The following AZI2 variants were observed in gnomAD, a reference collection of about 807,000 sequenced individuals.
AZI2 encodes 5-azacytidine-induced protein 2.
AZI2 carries 22 observed loss-of-function variants against 45.8 expected under a neutral mutation model. The ratio of observed to expected loss-of-function variants is 0.48; its 90% confidence interval spans 0.34 to 0.69. AZI2 has a LOEUF of 0.69. Ranked by LOEUF, AZI2 falls within the 30% of genes least tolerant of loss-of-function variation. The pLI is 0.01. For synonymous variants in AZI2, 137 were observed against 156.7 expected, an observed-to-expected ratio of 0.87 and a Z score of 0.94; for missense variants, 417 against 441.5, an observed-to-expected ratio of 0.94 and a Z score of 0.50.
At chr3:28,336,178 G>T (rs1703780735) in intron 5 of AZI2, among the ~76,000 whole-genome samples, 1 of 151,978 alleles carries the variant, frequency 6.6e-6, no homozygotes, top group Non-Finnish European at 1.5e-5. Flanking sequence ...ACACACTTCA[G>T]CAACTTGGCA....
At chr3:28,332,587 C>A in intron 5 of AZI2, 160 bp from the exon 6 acceptor site, 2 of 568,176 alleles carry the variant, frequency 3.5e-6, no homozygotes, top group Non-Finnish European at 6.2e-6. Context: ...TGAAATACCT[C>A]CAATCTATAA....
chr3:28,332,220 A>G (rs1703606437), intron 6 of AZI2, 149 bp downstream of exon 6: 1 of 669,132 alleles, frequency 1.5e-6, no homozygotes, highest in African/African-American at 1.8e-5. Context: ...TTATTCTACA[A>G]ATTTATTGTG....
intron 5 of AZI2, among the ~76,000 whole-genome samples, chr3:28,334,295 G>C (rs1577129388): frequency 6.6e-6 from 1 of 151,828 alleles, no homozygotes; most frequent in Non-Finnish European, 1.5e-5. Flanking sequence ...AATATGGCTA[G>C]AGTATTGTGA....
In AZI2 at chr3:28,324,374, T is replaced by A; in HGVS notation, c.847A>T (p.Thr283Ser). ...TTTGGTAAGAGAGGGGGATGTCTTG[T>A]GTATGTTGCAGTAAAATTCATCAAG... ...LHLMNFTATYTRHPPLLPNGK... is the reference protein window; with the variant it reads ...LHLMNFTATYSRHPPLLPNGK... The change falls in exon 8 of 8, where the codon ACA becomes TCA. Residue 283 changes from threonine to serine, a missense_variant. Thr to Ser is a moderately conservative substitution (Grantham distance 58, BLOSUM62 1). Coordinates refer to ENST00000479665, the MANE Select transcript of AZI2 (RefSeq NM_022461.5). The A allele has an allele frequency of 6.3e-7, 1 of 1,576,508 alleles. No individual in the cohort carries two copies.
At chr3:28,344,730 TG>T (rs1294515659) in intron 1 of AZI2, among the ~76,000 whole-genome samples, 6 of 152,120 alleles carry the variant, frequency 3.9e-5, no homozygotes, top group African/African-American at 1.4e-4. Context: ...AACATTATAC[TG>T]AGTCTTATTT....
intron 5 of AZI2, among the ~76,000 whole-genome samples, chr3:28,333,988 A>G (rs1456108181): frequency 6.6e-6 from 1 of 151,338 alleles, no homozygotes; most frequent in Non-Finnish European, 1.5e-5. Context: ...CTTTGGCCCT[A>G]GAGTCTGTAT....
intron 7 of AZI2, among the ~76,000 whole-genome samples, chr3:28,325,741 C>A (rs1387368832): frequency 6.6e-6 from 1 of 151,052 alleles, no homozygotes; most frequent in Non-Finnish European, 1.5e-5. Flanking sequence ...CTCTGTGAGT[C>A]CCTTTATAGA....
chr3:28,337,903 C>A, intron 4 of AZI2, 34 bp downstream of exon 4: 3 of 1,287,874 alleles, frequency 2.3e-6, no homozygotes, highest in Non-Finnish European at 3.2e-6. Flanking sequence ...TATGTTAATT[C>A]TGTTAGAATA....
intron 6 of AZI2, among the ~76,000 whole-genome samples, chr3:28,327,520 C>T (rs1703428960): frequency 6.7e-6 from 1 of 150,158 alleles, no homozygotes; most frequent in African/African-American, 2.4e-5. Flanking sequence ...CATGACAGCA[C>T]AAGACATGAA....
At chr3:28,335,127 T>C (rs545548190) in intron 5 of AZI2, among the ~76,000 whole-genome samples, 2 of 152,106 alleles carry the variant, frequency 1.3e-5, no homozygotes, top group South Asian at 2.1e-4. Flanking sequence ...TGAAAAAAGG[T>C]ATTTAATGTC....
At chr3:28,329,543 A>C (rs1703501013) in intron 6 of AZI2, among the ~76,000 whole-genome samples, 1 of 151,260 alleles carries the variant, frequency 6.6e-6, no homozygotes, top group Non-Finnish European at 1.5e-5. Flanking sequence ...CTAAAAGCCC[A>C]GCTTTCTTAA....
chr3:28,327,218 CAG>C (rs1318347277), intron 6 of AZI2, among the ~76,000 whole-genome samples: 2 of 151,040 alleles, frequency 1.3e-5, no homozygotes, highest in Non-Finnish European at 3.0e-5. Flanking sequence ...GAGCTTCTTG[CAG>C]AGTCTCAGAA....
Position 28,326,969 on chromosome 3 carries a change from C to A in AZI2, c.648-19G>T. On this transcript the variant is annotated intron_variant, in intron 6 of 7. Coordinates refer to ENST00000479665, the MANE Select transcript of AZI2 (RefSeq NM_022461.5). ...ATTATCACTGAAATAAATTTTTTTACAAAAAGTTAATACTCATCATTCTTT... is the reference window on the plus strand; with the variant it reads ...ATTATCACTGAAATAAATTTTTTTAAAAAAAGTTAATACTCATCATTCTTT... The A allele has an allele frequency of 1.9e-6, 3 of 1,548,666 alleles. No homozygotes were observed. The highest frequency in any genetic ancestry group is 1.7e-5 in the Admixed American group (1 of 58,254).
chr3:28,335,496 A>C (rs1703754729), intron 5 of AZI2, among the ~76,000 whole-genome samples: 1 of 151,890 alleles, frequency 6.6e-6, no homozygotes, highest in African/African-American at 2.4e-5. Flanking sequence ...AGTAGGAAAA[A>C]AACCACTTTG....
chr3:28,332,496 T>C, intron 5 of AZI2, 69 bp from the exon 6 acceptor site: 2 of 1,305,272 alleles, frequency 1.5e-6, no homozygotes, highest in Non-Finnish European at 2.2e-6. Flanking sequence ...CTCAGCTCTT[T>C]CTTACCAGAG....
rs1446408344 is a variant in AZI2, at chr3:28,321,726, G to A, written c.*2316C>T. ...AGTCTGAATTTTCCCATTTATTTTG[G>A]TTTTCTAATGTTTCACATAGGCATG... On this transcript the variant is annotated 3_prime_UTR_variant, in exon 8 of 8. Transcript: ENST00000479665. The A allele has an allele frequency of 6.6e-6, 1 of 151,178 alleles. No individual in the cohort carries two copies. Among genetic ancestry groups the A allele is most frequent in the Non-Finnish European group, 1.5e-5 (1 of 67,452 alleles). 9.4% of individuals were successfully genotyped at this position (151,178 alleles called of 1,614,324 possible). A position where few individuals can be genotyped will look rare whatever the true frequency, so the allele number is the denominator to read the frequency against.
At chr3:28,332,226 T>C (rs1703606540) in intron 6 of AZI2, 143 bp downstream of exon 6, 1 of 679,614 alleles carries the variant, frequency 1.5e-6, no homozygotes, top group African/African-American at 1.8e-5. Context: ...TACAAATTTA[T>C]TGTGATCAGA....
Position 28,340,472 on chromosome 3 carries a change from T to C in AZI2, c.146A>G (p.Lys49Arg), listed in dbSNP as rs754780279. Residue 49 changes from lysine (K) to arginine (R), a missense_variant, in exon 2 of 8, where the codon AAA (lysine) becomes AGA (arginine). Physicochemically the swap from Lys to Arg is conservative, Grantham distance 26. Transcript: ENST00000479665. ...TTTCTCTGAATCCTTAAGTCGTTTT[T>C]TGATGTCTTCATATGCAGTGACAAG... ...FALVTAYEDI[K>R]KRLKDSEKEN... 1.9e-6 allele frequency: 3 copies of C among 1,613,056 alleles called. No individual in the cohort carries two copies.
intron 1 of AZI2, among the ~76,000 whole-genome samples, chr3:28,342,646 C>A (rs1478107113): frequency 6.6e-6 from 1 of 151,704 alleles, no homozygotes; most frequent in African/African-American, 2.4e-5. Flanking sequence ...AATAAAAGTG[C>A]AGGTTATTCT....
Sources: gnomAD v4.1 joint callset for allele counts (sites outside exome capture counted in the v4.1 genomes callset) on GRCh38, gnomAD v4.1.1 for gene constraint, MANE v1.5 for transcripts, NCBI Gene and HGNC (gene_info 2026-07-23, HGNC 2026-07-21) for gene names.